Variants in SKA3 observed in about 807,000 individuals in gnomAD.
SKA3 encodes spindle and kinetochore associated complex subunit 3.
Under a neutral mutation model 44.2 loss-of-function variants are expected in SKA3, and 39 were observed. The observed-to-expected ratio is 0.88, with a 90% confidence interval of 0.68 to 1.15. The LOEUF (loss-of-function observed/expected upper bound fraction) is 1.15. SKA3 is among the 50% of genes most tolerant of loss of function. The pLI is 0.00. For synonymous variants in SKA3, 192 were observed against 172.0 expected (o/e 1.12, Z -0.91); for missense variants, 511 against 485.8 (o/e 1.05, Z -0.49).
chr13:21,172,793 C>A, intron 1 of SKA3, 112 bp from the exon 2 acceptor site: 1 of 606,864 alleles, frequency 1.6e-6, no homozygotes, highest in Non-Finnish European at 2.8e-6. Flanking sequence ...AATCACAGAT[C>A]ACATATGACA....
In SKA3 at chr13:21,169,906, G is replaced by A. The variant is rs139655749; in HGVS notation, c.332-1507C>T. The stretch of plus-strand genomic sequence containing the variant: ...ACCTGCCTCAGCCTCCCAAAGTGTT[G>A]GGATTACAGGCGTGAGCCACTGCAC... On this transcript the variant is annotated intron_variant, in intron 3 of 8. Transcript: ENST00000314759. Among the ~76,000 whole-genome samples the A allele has an allele frequency of 1.1e-4, 16 of 152,294 alleles. No individual in the cohort carries two copies. The East Asian group carries it at 3.1e-3, about 29-fold the overall frequency.
chr13:21,160,140 G>A (rs1565992514), intron 5 of SKA3, among the ~76,000 whole-genome samples, 153 bp from the exon 6 acceptor site: 1 of 152,130 alleles, frequency 6.6e-6, no homozygotes, highest in Non-Finnish European at 1.5e-5. Context: ...AAATAGTTGT[G>A]TTGTAATATA....
intron 5 of SKA3, 80 bp from the exon 6 acceptor site, chr13:21,160,067 C>A: frequency 1.0e-6 from 1 of 1,003,850 alleles, no homozygotes; most frequent in Non-Finnish European, 1.5e-6. Flanking sequence ...CTCATATTTA[C>A]ATATGTAATT....
In SKA3 at chr13:21,176,533, C is replaced by G; in HGVS notation, c.-56G>C. ...TACGCAGACCCCACCGCTCAGCTCA[C>G]AGCCTCCCGCCACTAGTTTGAATCT... On this transcript the variant is annotated 5_prime_UTR_variant, in exon 1 of 9. Transcript: ENST00000314759. 1.0e-6 allele frequency: 1 copy of G among 999,598 alleles called. No individual in the cohort carries two copies. Among genetic ancestry groups the G allele is most frequent in the South Asian group, 2.4e-5 (1 of 41,128 alleles). The allele number at this position is 999,598 out of a possible 1,614,324, so 61.9% of individuals were successfully genotyped here.
intron 3 of SKA3, among the ~76,000 whole-genome samples, chr13:21,168,651 G>A (rs924579113): frequency 6.6e-6 from 1 of 152,006 alleles, no homozygotes; most frequent in Non-Finnish European, 1.5e-5. Flanking sequence ...CTCAGCCCCT[G>A]GGGTAGCTGG....
At chr13:21,162,749 T>G (rs1268355757) in intron 4 of SKA3, among the ~76,000 whole-genome samples, 2 of 152,152 alleles carry the variant, frequency 1.3e-5, no homozygotes, top group African/African-American at 4.8e-5. Context: ...ATATATGTTG[T>G]ACAAAAGTTC....
intron 1 of SKA3, among the ~76,000 whole-genome samples, chr13:21,175,808 T>C (rs1871472533): frequency 1.3e-5 from 2 of 152,212 alleles, no homozygotes; most frequent in Non-Finnish European, 2.9e-5. Flanking sequence ...TGAGTACTAG[T>C]GTTTGTGTTG....
intron 4 of SKA3, among the ~76,000 whole-genome samples, chr13:21,165,843 G>A (rs765871792): frequency 2.0e-5 from 3 of 152,034 alleles, no homozygotes; most frequent in African/African-American, 7.2e-5. Flanking sequence ...GCTGAGGCTC[G>A]AGAATCACTT....
intron 4 of SKA3, among the ~76,000 whole-genome samples, chr13:21,167,067 C>T (rs1232825956): frequency 6.6e-6 from 1 of 152,284 alleles, no homozygotes; most frequent in East Asian, 1.9e-4. Context: ...ACTCCCAAAT[C>T]TAGTTTAGCA....
chr13:21,166,705 C>A (rs374610438), intron 4 of SKA3, among the ~76,000 whole-genome samples: 1 of 152,278 alleles, frequency 6.6e-6, no homozygotes, highest in East Asian at 1.9e-4. Flanking sequence ...TGCACTCCAG[C>A]CTGGGGGATA....
Position 21,158,062 on chromosome 13 carries a change from G to A in SKA3, c.979C>T (p.Arg327Cys), listed in dbSNP as rs376831484. 28 of 1,612,702 alleles carry A rather than the reference G, an allele frequency of 1.7e-5. No individual in the cohort carries two copies. The highest frequency in any genetic ancestry group is 4.5e-5 in the East Asian group (2 of 44,832). The change falls in exon 7 of 9, where the codon CGT becomes TGT. Residue 327 changes from arginine (R) to cysteine (C), a missense_variant. Coordinates refer to ENST00000314759, the MANE Select transcript of SKA3 (RefSeq NM_145061.6). ...TCTGAATTTAAAACCAACGAAGTAC[G>A]ATCTTCAACTTCCAAATCATTTGAT... ...SSSNDLEVEDRTSLVLNSDTC... is the reference protein window; with the variant it reads ...SSSNDLEVEDCTSLVLNSDTC...
In SKA3 at chr13:21,168,275, A is replaced by G. The variant is rs760355221; in HGVS notation, c.456T>C (p.Ser152=). The G allele has an allele frequency of 1.5e-5, 24 of 1,614,102 alleles. No homozygotes were observed. Among genetic ancestry groups the G allele is most frequent in the Middle Eastern group, 1.6e-4 (1 of 6,084 alleles). The change falls in exon 4 of 9, where the codon TCT becomes TCC. Residue 152 remains serine, a synonymous_variant. Transcript: ENST00000314759. The part of the protein sequence containing the change: ...PVASSCISEK[S]PRSPQLSDFG... Reference sequence around the variant, plus strand: ...AATCTGAAAGTTGTGGACTACGTGGAGACTTCTCAGAAATACAACTGCTTG... The same window carrying G: ...AATCTGAAAGTTGTGGACTACGTGGGGACTTCTCAGAAATACAACTGCTTG...
At chr13:21,165,347 AG>A (rs1870650521) in intron 4 of SKA3, among the ~76,000 whole-genome samples, 2 of 151,946 alleles carry the variant, frequency 1.3e-5, no homozygotes, top group Admixed American at 1.3e-4. Flanking sequence ...GCTTGAGTCT[AG>A]GAAGTCGAAG....
At chr13:21,165,674 C>T (rs1870670151) in intron 4 of SKA3, among the ~76,000 whole-genome samples, 1 of 152,090 alleles carries the variant, frequency 6.6e-6, no homozygotes, top group African/African-American at 2.4e-5. Flanking sequence ...GTAGCTCACA[C>T]CTGTAATCCC....
rs1279433162 is a variant in SKA3 at position 21,155,045 on chromosome 13, G to A, written c.*105C>T. 1.2e-5 allele frequency: 18 copies of A among 1,563,904 alleles called. No individual in the cohort carries two copies. Among genetic ancestry groups the A allele is most frequent in the Admixed American group, 9.2e-5 (5 of 54,604 alleles). ...ATGTTTGTCTTTAAAATGGGTCAAC[G>A]TTTAAAGGGGGACAGAGGCAGGGCA... On this transcript the variant is annotated 3_prime_UTR_variant, in exon 9 of 9. Coordinates refer to ENST00000314759, the MANE Select transcript of SKA3 (RefSeq NM_145061.6).
In SKA3 at chr13:21,154,303, T is replaced by G. The variant is rs1869970955; in HGVS notation, c.*847A>C. 1 of 152,342 alleles carries G rather than the reference T, an allele frequency of 6.6e-6. No homozygotes were observed. Among genetic ancestry groups the G allele is most frequent in the Non-Finnish European group, 1.5e-5 (1 of 68,118 alleles). 9.4% of individuals were successfully genotyped at this position (152,342 alleles called of 1,614,324 possible). ...TAAATCAGAAGGATCGTAGGCCTGA[T>G]AAGCAGGTCAACCTGAAGCTACCAG... On this transcript the variant is annotated 3_prime_UTR_variant, in exon 9 of 9. Coordinates refer to ENST00000314759, the MANE Select transcript of SKA3 (RefSeq NM_145061.6).
chr13:21,158,880 AAGAG>A (rs1312330314), intron 6 of SKA3, among the ~76,000 whole-genome samples: 2 of 152,164 alleles, frequency 1.3e-5, no homozygotes, highest in East Asian at 3.9e-4. Context: ...GGTCAGAGTT[AAGAG>A]AGAGAGACGA....
chr13:21,167,492 C>A (rs944590951), intron 4 of SKA3, among the ~76,000 whole-genome samples: 2 of 152,052 alleles, frequency 1.3e-5, no homozygotes, highest in African/African-American at 4.8e-5. Context: ...ATTGGCCGGG[C>A]GCGGTGGCTC....
At position 21,176,374 on chromosome 13, in the gene SKA3, C is replaced by T. The variant is rs766280070; in HGVS notation, c.103+1G>A. ...GTGCCCTGGCCGCCCGCCTCACGCA[C>T]CGCTTTCCTCTCCGTCCAGCGCTCG... On this transcript the variant is annotated splice_donor_variant, in intron 1 of 8. Transcript: ENST00000314759. LOFTEE classifies it high-confidence loss of function. The T allele has an allele frequency of 1.9e-5, 29 of 1,563,902 alleles. No individual in the cohort carries two copies. Among genetic ancestry groups the T allele is most frequent in the Non-Finnish European group, 2.4e-5 (28 of 1,155,248 alleles).
Sources: allele counts gnomAD v4.1 joint callset (sites outside exome capture counted in the v4.1 genomes callset), GRCh38; gene constraint gnomAD v4.1.1; transcripts MANE v1.5; gene names NCBI Gene and HGNC (gene_info 2026-07-23, HGNC 2026-07-21).